Variants in ESAM observed in about 807,000 individuals in gnomAD.
ESAM encodes the protein endothelial cell-selective adhesion molecule.
ESAM carries 23 observed loss-of-function variants against 31.8 expected under a neutral mutation model. The observed-to-expected ratio is 0.72, with a 90% CI of 0.52 to 1.03. ESAM has a LOEUF of 1.03. ESAM is among the 50% of genes least tolerant of loss of function. The pLI is 0.00. For synonymous variants in ESAM, 216 were observed against 207.2 expected (o/e 1.04, Z -0.37); for missense variants, 478 against 488.9 (o/e 0.98, Z 0.21).
chr11:124,753,835 A>G lies in ESAM; in HGVS notation c.984T>C (p.Pro328=). 6.2e-7 allele frequency: 1 copy of G among 1,613,624 alleles called. No individual in the cohort carries two copies. Among genetic ancestry groups the G allele is most frequent in the Non-Finnish European group, 8.5e-7 (1 of 1,179,772 alleles). Residue 328 remains proline (P), a synonymous_variant, in exon 7 of 7, where the codon CCT becomes CCC. Transcript: ENST00000278927. The part of the protein sequence containing the change: ...ALRPPHGPPR[P]GALTPTPSLS... ...GACTGGGCGTGGGGGTCAATGCACCAGGCCTGGGAGGGCCATGGGGTGGCC... is the reference window on the plus strand; with the variant it reads ...GACTGGGCGTGGGGGTCAATGCACCGGGCCTGGGAGGGCCATGGGGTGGCC...
intron 1 of ESAM, among the ~76,000 whole-genome samples, chr11:124,761,261 A>G (rs1261779460): frequency 6.6e-6 from 1 of 152,198 alleles, no homozygotes; most frequent in African/African-American, 2.4e-5. Context: ...AAAAGGGCCT[A>G]GTCCTGCCGG....
rs747543095 is a variant in ESAM at position 124,756,374 on chromosome 11, G to C, written c.452-12C>G. 1 of 1,592,570 alleles carries C rather than the reference G, an allele frequency of 6.3e-7. No homozygotes were observed. Among genetic ancestry groups the C allele is most frequent in the African/African-American group, 1.3e-5 (1 of 74,694 alleles). ...AGGAGCTGGAGGAACTGGGCAGGGG[G>C]AGACAGATTAAAACCACACCCAGGA... On this transcript the variant is annotated splice_polypyrimidine_tract_variant and intron_variant, in intron 3 of 6. Coordinates refer to ENST00000278927, the MANE Select transcript of ESAM (RefSeq NM_138961.3).
At position 124,756,115 on chromosome 11, in the gene ESAM, C is replaced by A. The variant is rs57851730; in HGVS notation, c.607+92G>T. ...CTCCTCCTCCCCAGTGCTTGTCAGC[C>A]TTGGCTCCCCTTTTCACCCCAGTCC... On this transcript the variant is annotated intron_variant, in intron 4 of 6. Coordinates refer to ENST00000278927, the MANE Select transcript of ESAM (RefSeq NM_138961.3). The A allele has an allele frequency of 4.5e-3, 7,064 of 1,555,446 alleles. 282 individuals carry two copies. The African/African-American group carries it at 0.083, about 18-fold the overall frequency.
chr11:124,754,782 C>T lies in ESAM; in HGVS notation c.608-19G>A. On this transcript the variant is annotated intron_variant, in intron 4 of 6. Coordinates refer to ENST00000278927, the MANE Select transcript of ESAM (RefSeq NM_138961.3). This position sits in a 1 kb window ranked among gnomAD's most constrained non-coding sequence, Gnocchi z 4.5. ...ATGACATCTGTGGACACAATTTAGC[C>T]ATCAGTCCAGGGACCCTCTTTCCCA... is the stretch of plus-strand genomic sequence containing the variant. 1 of 1,603,752 alleles carries T rather than the reference C, an allele frequency of 6.2e-7. No individual in the cohort carries two copies. Among genetic ancestry groups the T allele is most frequent in the Non-Finnish European group, 8.5e-7 (1 of 1,176,354 alleles).
intron 1 of ESAM, among the ~76,000 whole-genome samples, chr11:124,760,972 G>A (rs1374207332): frequency 1.3e-5 from 2 of 152,202 alleles, no homozygotes; most frequent in East Asian, 1.9e-4. Context: ...TGTGGCCTGG[G>A]GGGCTGTACT....
chr11:124,761,040 A>G (rs1030381894), intron 1 of ESAM, among the ~76,000 whole-genome samples: 4 of 152,192 alleles, frequency 2.6e-5, no homozygotes, highest in Non-Finnish European at 5.9e-5. Context: ...TGTGGGGCAC[A>G]GAACATGCTA....
At chr11:124,761,514 C>T (rs1944227712) in intron 1 of ESAM, among the ~76,000 whole-genome samples, 1 of 152,130 alleles carries the variant, frequency 6.6e-6, no homozygotes, top group Non-Finnish European at 1.5e-5. Flanking sequence ...TCCCCCATTT[C>T]CTGTGTCCCA....
At chr11:124,756,152 C>G (rs1408939735) in intron 4 of ESAM, 55 bp downstream of exon 4, 2 of 1,609,320 alleles carry the variant, frequency 1.2e-6, no homozygotes, top group South Asian at 2.2e-5. Context: ...TGTGGTACCT[C>G]TCATCTTTCC....
At position 124,754,677 on chromosome 11, in the gene ESAM, T is replaced by C. The variant is rs139189706; in HGVS notation, c.694A>G (p.Thr232Ala). The C allele has an allele frequency of 2.9e-5, 47 of 1,614,076 alleles. No individual in the cohort carries two copies. The highest frequency in any genetic ancestry group is 3.6e-5 in the Non-Finnish European group (42 of 1,180,026). ...YVCKAHNEVG[T>A]AQCNVTLEVS... ...TCCAGCGTCACATTACATTGGGCAGTGCCCACCTCATTGTGGGCCTTGCAG... is the reference window on the plus strand; with the variant it reads ...TCCAGCGTCACATTACATTGGGCAGCGCCCACCTCATTGTGGGCCTTGCAG... Residue 232 changes from threonine (T) to alanine (A), a missense_variant, in exon 5 of 7, where the codon ACT (threonine) becomes GCT (alanine). Thr to Ala is a moderately conservative substitution (Grantham distance 58). Transcript: ENST00000278927. This position sits in a 1 kb window ranked among gnomAD's most constrained non-coding sequence, Gnocchi z 4.5.
Position 124,754,732 on chromosome 11 carries a change from G to A in ESAM, c.639C>T (p.Asn213=). 1 of 1,614,074 alleles carries A rather than the reference G, an allele frequency of 6.2e-7. No individual in the cohort carries two copies. The highest frequency in any genetic ancestry group is 8.5e-7 in the Non-Finnish European group (1 of 1,180,002). ...AGACTCCAGCCATGGAAGACGAAAG[G>A]TTGGTGAGGCTTAAAGACCCACGGA... ...DVIRGSLSLT[N]LSSSMAGVYV... Residue 213 remains asparagine, a synonymous_variant, in exon 5 of 7, where the codon AAC becomes AAT. Coordinates refer to ENST00000278927, the MANE Select transcript of ESAM (RefSeq NM_138961.3). This position sits in a 1 kb window ranked among gnomAD's most constrained non-coding sequence, Gnocchi z 4.5.
rs959769200 is a variant in ESAM, at chr11:124,754,247, C to G, written c.824G>C (p.Gly275Ala). 6.2e-7 allele frequency: 1 copy of G among 1,614,014 alleles called. No homozygotes were observed. The highest frequency in any genetic ancestry group is 2.2e-5 in the East Asian group (1 of 44,854). Residue 275 changes from glycine (G) to alanine (A), a missense_variant, in exon 6 of 7, where the codon GGC becomes GCC. Transcript: ENST00000278927. This position sits in a 1 kb window ranked among gnomAD's most constrained non-coding sequence, Gnocchi z 4.5. The stretch of plus-strand genomic sequence containing the variant: ...ATTGGCTGGCTCCTCCAGGGCCTTG[C>G]CCCGGCGGTGGTACAAGAGGACCAG... ...AGLVLLYHRRGKALEEPANDI... is the reference protein window; with the variant it reads ...AGLVLLYHRRAKALEEPANDI...
At chr11:124,755,401 T>TAA (rs1402647442) in intron 4 of ESAM, among the ~76,000 whole-genome samples, 2 of 151,470 alleles carry the variant, frequency 1.3e-5, no homozygotes, top group African/African-American at 4.9e-5. Context: ...ATAATAATAA[T>TAA]AAAATAAAAA....
chr11:124,754,088 A>C lies in ESAM; in HGVS notation c.857+126T>G. On this transcript the variant is annotated intron_variant, in intron 6 of 6. Coordinates refer to ENST00000278927, the MANE Select transcript of ESAM (RefSeq NM_138961.3). This position sits in a 1 kb window ranked among gnomAD's most constrained non-coding sequence, Gnocchi z 4.5. ...AGTACTCCTTTCCCTCTCCCTTAAAACCTGCCCATAGGAATGATGTTTCAG... is the reference window on the plus strand; with the variant it reads ...AGTACTCCTTTCCCTCTCCCTTAAACCCTGCCCATAGGAATGATGTTTCAG... 6.4e-7 allele frequency: 1 copy of C among 1,552,554 alleles called. No homozygotes were observed. Among genetic ancestry groups the C allele is most frequent in the Non-Finnish European group, 8.7e-7 (1 of 1,146,160 alleles).
At position 124,754,290 on chromosome 11, in the gene ESAM, G is replaced by T; in HGVS notation, c.781C>A (p.Leu261Met). The change falls in exon 6 of 7, where the codon CTG becomes ATG. Residue 261 changes from leucine to methionine, a missense_variant. By Grantham distance (15) the Leu-to-Met change is conservative. Transcript: ENST00000278927. The surrounding 1 kb of genome is among the most constrained non-coding windows in gnomAD (Gnocchi z 4.5). ...AGGACCAGCCCAGCCAGCAACCCCAGTCCAACCAGGGTACCCACAACAGCT... is the reference window on the plus strand; with the variant it reads ...AGGACCAGCCCAGCCAGCAACCCCATTCCAACCAGGGTACCCACAACAGCT... ...AGAVVGTLVG[L>M]GLLAGLVLLY... 1 of 1,614,038 alleles carries T rather than the reference G, an allele frequency of 6.2e-7. No homozygotes were observed. Among genetic ancestry groups the T allele is most frequent in the South Asian group, 1.1e-5 (1 of 91,086 alleles).
chr11:124,754,592 CT>C lies in ESAM; in HGVS notation c.730+48del. ...CAGGCCTCCTCCCCACTTGCAACCC[CT>C]CCCCCACCATTGACCACTCTTCTTA... is the stretch of plus-strand genomic sequence containing the variant. On this transcript the variant is annotated intron_variant, in intron 5 of 6. Transcript: ENST00000278927. This position sits in a 1 kb window ranked among gnomAD's most constrained non-coding sequence, Gnocchi z 4.5. 1 of 1,582,234 alleles carries C rather than the reference CT, an allele frequency of 6.3e-7. No homozygotes were observed. Among genetic ancestry groups the C allele is most frequent in the Non-Finnish European group, 8.6e-7 (1 of 1,161,912 alleles).
At chr11:124,756,175 A>T (rs759993093) in intron 4 of ESAM, 32 bp downstream of exon 4, 3 of 1,612,050 alleles carry the variant, frequency 1.9e-6, no homozygotes, top group Non-Finnish European at 1.7e-6. Flanking sequence ...TTCCCCAGCC[A>T]CAGTGTCCAC....
At chr11:124,760,640 AC>A (rs376545891) in intron 1 of ESAM, among the ~76,000 whole-genome samples, 2 of 151,988 alleles carry the variant, frequency 1.3e-5, no homozygotes, top group African/African-American at 4.8e-5. Flanking sequence ...GAACTGGGCA[AC>A]CCCCCAGGGG....
chr11:124,760,403 G>A lies in ESAM; in HGVS notation c.70+1682C>T, dbSNP rs139757734. ...AGGCCAGAGTGAGGGAGCCGGCAGG[G>A]GCCGAAGGAGAGCGAAATGGGCCCG... On this transcript the variant is annotated intron_variant, in intron 1 of 6. Coordinates refer to ENST00000278927, the MANE Select transcript of ESAM (RefSeq NM_138961.3). Among the ~76,000 whole-genome samples the A allele has an allele frequency of 4.6e-3, 699 of 152,370 alleles. 4 individuals are homozygous for A. The highest frequency in any genetic ancestry group is 0.016 in the African/African-American group (663 of 41,588).
rs1591427345 is a variant in ESAM at position 124,753,297 on chromosome 11, T to G, written c.*349A>C. ...AGGGAGCTGGAGTGGGAGCCAAGGG[T>G]GGTGTTAGATAGGGGTGGGGTACAG... On this transcript the variant is annotated 3_prime_UTR_variant, in exon 7 of 7. Coordinates refer to ENST00000278927, the MANE Select transcript of ESAM (RefSeq NM_138961.3). The G allele has an allele frequency of 7.9e-6, 2 of 254,418 alleles. No homozygotes were observed. The highest frequency in any genetic ancestry group is 1.5e-5 in the Non-Finnish European group (2 of 132,762). 15.8% of individuals were successfully genotyped at this position (254,418 alleles called of 1,614,324 possible).
Sources: gnomAD v4.1 joint callset for allele counts (sites outside exome capture counted in the v4.1 genomes callset) on GRCh38, gnomAD v4.1.1 for gene constraint, Gnocchi (gnomAD v3.1) non-coding constraint, MANE v1.5 for transcripts, NCBI Gene and HGNC (gene_info 2026-07-23, HGNC 2026-07-21) for gene names.